MCF2L2: variants seen among roughly 807,000 people sequenced by gnomAD.
The protein encoded by MCF2L2 is MCF.2 cell line derived transforming sequence-like 2.
A neutral mutation model predicts 150.2 loss-of-function variants in MCF2L2; 102 were observed. That is an observed-to-expected ratio of 0.68 (90% CI 0.58 to 0.80). MCF2L2 has a LOEUF of 0.80. Among genes scored for constraint, MCF2L2 ranks in the 30% least tolerant of loss-of-function variants. The pLI, the probability that MCF2L2 is intolerant of heterozygous loss-of-function variation, is 0.00. For missense variants in MCF2L2, 1,256 were observed against 1,372.8 expected, an observed-to-expected ratio of 0.91 and a Z score of 1.34; for synonymous variants, 465 against 491.3, an observed-to-expected ratio of 0.95 and a Z score of 0.71.
At chr3:183,224,252 G>A (rs948089899) in intron 18 of MCF2L2, 62 bp from the exon 19 acceptor site, 5 of 1,056,910 alleles carry the variant, frequency 4.7e-6, no homozygotes, top group Non-Finnish European at 7.4e-6. Context: ...TGGACAGGAT[G>A]ATACAGTTTA....
chr3:183,219,525 C>T (rs955912271), intron 21 of MCF2L2, among the ~76,000 whole-genome samples: 3 of 151,734 alleles, frequency 2.0e-5, no homozygotes, highest in Admixed American at 6.6e-5. Context: ...GCAGGAGAAT[C>T]GCTTGAACCC....
chr3:183,318,023 C>G, intron 7 of MCF2L2, 45 bp downstream of exon 7: 2 of 1,601,594 alleles, frequency 1.2e-6, no homozygotes, highest in African/African-American at 2.7e-5. Flanking sequence ...GCAGGCATAC[C>G]TGCTGGCACA....
At chr3:183,402,386 G>A (rs1453007796) in intron 1 of MCF2L2, among the ~76,000 whole-genome samples, 77 of 148,524 alleles carry the variant, frequency 5.2e-4, no homozygotes, top group Non-Finnish European at 9.5e-4. Flanking sequence ...CTCGGGAGGC[G>A]GAGCTTGCAG....
chr3:183,222,546 CA>C (rs565485544), intron 20 of MCF2L2, among the ~76,000 whole-genome samples: 1 of 149,126 alleles, frequency 6.7e-6, no homozygotes. Context: ...CACTCTGTCT[CA>C]AAAAAAAAGA....
At chr3:183,186,580 A>G (rs992181741) in intron 27 of MCF2L2, among the ~76,000 whole-genome samples, 1 of 152,214 alleles carries the variant, frequency 6.6e-6, no homozygotes, top group African/African-American at 2.4e-5. Context: ...CACAAAAATT[A>G]GCGAGGTGTG....
At chr3:183,201,627 G>C (rs920375760) in intron 25 of MCF2L2, among the ~76,000 whole-genome samples, 1 of 152,068 alleles carries the variant, frequency 6.6e-6, no homozygotes, top group Non-Finnish European at 1.5e-5. Flanking sequence ...TCTTTCTCCT[G>C]CCTGATTGCC....
chr3:183,409,183 T>C (rs975590933), intron 1 of MCF2L2, among the ~76,000 whole-genome samples: 2 of 152,254 alleles, frequency 1.3e-5, no homozygotes, highest in African/African-American at 4.8e-5. Flanking sequence ...AAGCCAACTT[T>C]TCGAGTGGCT....
intron 4 of MCF2L2, 138 bp from the exon 5 acceptor site, chr3:183,339,057 AC>A: frequency 1.2e-6 from 1 of 808,104 alleles, no homozygotes; most frequent in Non-Finnish European, 1.8e-6. Flanking sequence ...TGTAAATTTC[AC>A]CAGATTTCAG....
intron 2 of MCF2L2, among the ~76,000 whole-genome samples, chr3:183,384,975 C>T (rs1713749557): frequency 1.3e-5 from 2 of 152,082 alleles, no homozygotes; most frequent in African/African-American, 4.8e-5. Flanking sequence ...TTCCCTCTCA[C>T]CTGCACTACC....
rs377706762 is a variant in MCF2L2, at chr3:183,310,932, C to T, written c.976G>A (p.Glu326Lys). ...AAGAATACCTTACAAAAATCGTGCTCAAAATGCTGTAGTTGTAGGCACTGG... is the reference window on the plus strand; with the variant it reads ...AAGAATACCTTACAAAAATCGTGCTTAAAATGCTGTAGTTGTAGGCACTGG... ...LNQCLQLQHF[E>K]HDFCKAKLAL... is the part of the protein sequence containing the mutation. Residue 326 changes from glutamate to lysine, a missense_variant, in exon 9 of 30, where the codon GAG becomes AAG. Glu to Lys is a moderately conservative substitution (Grantham distance 56, BLOSUM62 1). Transcript: ENST00000328913. 1.2e-6 allele frequency: 2 copies of T among 1,612,614 alleles called. No homozygotes were observed. The highest frequency in any genetic ancestry group is 1.7e-6 in the Non-Finnish European group (2 of 1,179,126).
intron 14 of MCF2L2, among the ~76,000 whole-genome samples, chr3:183,286,819 C>T (rs1424579087): frequency 6.6e-6 from 1 of 152,200 alleles, no homozygotes; most frequent in East Asian, 1.9e-4. Context: ...TCCTCCACCA[C>T]CTTGACTGTT....
intron 1 of MCF2L2, among the ~76,000 whole-genome samples, chr3:183,417,344 C>A (rs556729839): frequency 8.5e-5 from 13 of 152,222 alleles, no homozygotes; most frequent in Admixed American, 7.2e-4. Context: ...ATAAGAAGCT[C>A]TTCAACTTAT....
intron 27 of MCF2L2, among the ~76,000 whole-genome samples, chr3:183,182,193 G>T (rs148063689): frequency 1.3e-5 from 2 of 152,184 alleles, no homozygotes; most frequent in East Asian, 3.9e-4. Flanking sequence ...GTGGAAAGAG[G>T]AAGGATCCTC....
In MCF2L2 at chr3:183,283,122, A is replaced by G. The variant is rs1727595367; in HGVS notation, c.1776+5998T>C. On this transcript the variant is annotated intron_variant, in intron 14 of 29. Coordinates refer to ENST00000328913, the MANE Select transcript of MCF2L2 (RefSeq NM_015078.4). The surrounding 1 kb of genome is among the most constrained non-coding windows in gnomAD (Gnocchi z 4.2). ...CTTCTCTGCCTTGATCCCCTCCTTC[A>G]TTCTACACATTTTCTCTGATAGTCG... Among the ~76,000 whole-genome samples the G allele has an allele frequency of 1.3e-5, 2 of 152,036 alleles. No homozygotes were observed. Among genetic ancestry groups the G allele is most frequent in the Admixed American group, 1.3e-4 (2 of 15,264 alleles).
At chr3:183,326,527 C>A (rs569131434) in intron 5 of MCF2L2, among the ~76,000 whole-genome samples, 37 of 125,616 alleles carry the variant, frequency 2.9e-4, no homozygotes, top group African/African-American at 8.0e-4. Context: ...CAAAAAAAAA[C>A]CCACAAACCT....
intron 3 of MCF2L2, among the ~76,000 whole-genome samples, chr3:183,365,645 G>A (rs1712476109): frequency 6.9e-6 from 1 of 144,498 alleles, no homozygotes; most frequent in African/African-American, 2.8e-5. Context: ...AAAATAGAAA[G>A]CATACTACAT....
At position 183,264,523 on chromosome 3, in the gene MCF2L2, C is replaced by T. The variant is rs539727609; in HGVS notation, c.1862+12349G>A. On this transcript the variant is annotated intron_variant, in intron 15 of 29. Coordinates refer to ENST00000328913, the MANE Select transcript of MCF2L2 (RefSeq NM_015078.4). ...CTGTAAAATACTTCTTCATGATCTC[C>T]CACTGTGTCTGGTATAAGAACCCGC... 2.9e-4 allele frequency among the ~76,000 whole-genome samples: 44 copies of T among 152,266 alleles called. No homozygotes were observed. In the East Asian group the frequency reaches 8.1e-3, roughly 28 times the overall value.
intron 27 of MCF2L2, among the ~76,000 whole-genome samples, chr3:183,191,541 C>T (rs1486540127): frequency 6.6e-6 from 1 of 152,106 alleles, no homozygotes; most frequent in East Asian, 1.9e-4. Context: ...TTCTATTCGC[C>T]TTCCACCACC....
At position 183,270,699 on chromosome 3, in the gene MCF2L2, G is replaced by A. The variant is rs1483994427; in HGVS notation, c.1862+6173C>T. On this transcript the variant is annotated intron_variant, in intron 15 of 29. Coordinates refer to ENST00000328913, the MANE Select transcript of MCF2L2 (RefSeq NM_015078.4). This position sits in a 1 kb window ranked among gnomAD's most constrained non-coding sequence, Gnocchi z 4.5. ...AATAGGGATAGTACCGCAGGACCAT[G>A]TGTTTTTTTCTGGAGAGGGTAAAAC... The A allele has an allele frequency of 3.7e-6, 6 of 1,613,902 alleles. No individual in the cohort carries two copies. Among genetic ancestry groups the A allele is most frequent in the Non-Finnish European group, 5.1e-6 (6 of 1,179,938 alleles).
Sources: gnomAD v4.1 joint callset for allele counts (sites outside exome capture counted in the v4.1 genomes callset) on GRCh38, gnomAD v4.1.1 for gene constraint, Gnocchi (gnomAD v3.1) non-coding constraint, MANE v1.5 for transcripts, NCBI Gene and HGNC (gene_info 2026-07-23, HGNC 2026-07-21) for gene names.